Variants in GSK3B observed in about 807,000 individuals in gnomAD.
The protein encoded by GSK3B is glycogen synthase kinase-3 beta.
GSK3B carries 15 observed loss-of-function variants against 56.4 expected under a neutral mutation model. The observed-to-expected ratio is 0.27, with a 90% CI of 0.18 to 0.41. The LOEUF (loss-of-function observed/expected upper bound fraction) is 0.41, where lower values mean the gene tolerates loss of function less well. GSK3B is among the 10% of genes least tolerant of loss of function. The pLI is 1.00. For missense variants in GSK3B, 300 were observed against 513.4 expected (o/e 0.58, Z 4.02); for synonymous variants, 181 against 188.9 (o/e 0.96, Z 0.34).
chr3:119,975,792 T>A (rs531021995), intron 2 of GSK3B, among the ~76,000 whole-genome samples: 53 of 152,288 alleles, frequency 3.5e-4, no homozygotes, highest in Non-Finnish European at 4.7e-4. Context: ...AATGGTATAT[T>A]GATTGTCACA....
At chr3:120,057,566 T>A (rs2058201552) in intron 1 of GSK3B, among the ~76,000 whole-genome samples, 1 of 152,218 alleles carries the variant, frequency 6.6e-6, no homozygotes, top group Non-Finnish European at 1.5e-5. Context: ...TATCATCTGA[T>A]AATTTTAAAT....
At chr3:120,074,832 A>C (rs1292489283) in intron 1 of GSK3B, among the ~76,000 whole-genome samples, 1 of 152,200 alleles carries the variant, frequency 6.6e-6, no homozygotes, top group Admixed American at 6.5e-5. Flanking sequence ...ATTCTACCAA[A>C]CTTTTTAAGA....
rs1302704956 is a variant in GSK3B at position 119,959,682 on chromosome 3, T to A, written c.283-12331A>T. ...CGCGTGTACCACCATGCCCAGCTAATTTTTTTGTATTTTTAGTAGAGATGG... is the reference window on the plus strand; with the variant it reads ...CGCGTGTACCACCATGCCCAGCTAAATTTTTTGTATTTTTAGTAGAGATGG... On this transcript the variant is annotated intron_variant, in intron 2 of 10. Transcript: ENST00000264235. 9.2e-5 allele frequency among the ~76,000 whole-genome samples: 14 copies of A among 151,760 alleles called. No individual in the cohort carries two copies. The East Asian group carries it at 2.7e-3, about 29-fold the overall frequency.
intron 3 of GSK3B, among the ~76,000 whole-genome samples, chr3:119,929,021 AG>A (rs2056917401): frequency 6.6e-6 from 1 of 152,210 alleles, no homozygotes; most frequent in African/African-American, 2.4e-5. Context: ...ATTAGGTATT[AG>A]GGAAAAGGAA....
intron 1 of GSK3B, among the ~76,000 whole-genome samples, chr3:120,059,354 T>C (rs142115703): frequency 2.0e-4 from 31 of 152,348 alleles, no homozygotes; most frequent in African/African-American, 3.6e-4. Flanking sequence ...GCCTAGCATA[T>C]AGTCGGTCTC....
At chr3:119,905,577 T>C (rs1190144050) in intron 7 of GSK3B, among the ~76,000 whole-genome samples, 178 bp downstream of exon 7, 3 of 152,042 alleles carry the variant, frequency 2.0e-5, no homozygotes, top group Non-Finnish European at 4.4e-5. Context: ...GTAACTCAAA[T>C]AAAAACCAAA....
At chr3:120,002,384 G>A (rs1369538620) in intron 1 of GSK3B, 145 bp from the exon 2 acceptor site, 3 of 419,258 alleles carry the variant, frequency 7.2e-6, no homozygotes, top group Non-Finnish European at 1.2e-5. Flanking sequence ...TGTCACCCAG[G>A]CTGTTGTGCA....
intron 7 of GSK3B, among the ~76,000 whole-genome samples, chr3:119,884,016 C>T (rs1040260863): frequency 7.2e-5 from 11 of 152,012 alleles, no homozygotes; most frequent in African/African-American, 1.7e-4. Flanking sequence ...GTAGTACCTG[C>T]GGTATAAGTG....
chr3:119,928,604 C>T (rs1576206462), intron 3 of GSK3B, among the ~76,000 whole-genome samples: 2 of 28,640 alleles, frequency 7.0e-5, no homozygotes, highest in Admixed American at 3.9e-4. Flanking sequence ...GACTCCATAT[C>T]AAAAAAATAA....
chr3:119,843,385 C>G, intron 9 of GSK3B, 32 bp from the exon 10 acceptor site: 1 of 1,184,618 alleles, frequency 8.4e-7, no homozygotes, highest in African/African-American at 1.5e-5. Context: ...ATGTTAGAGT[C>G]CACTCTTAAC....
At chr3:119,852,671 G>A (rs2055953263) in intron 9 of GSK3B, among the ~76,000 whole-genome samples, 1 of 152,108 alleles carries the variant, frequency 6.6e-6, no homozygotes, top group Admixed American at 6.5e-5. Context: ...TTAATGAAAT[G>A]CAATAAATGA....
At chr3:120,066,685 T>C (rs2058283021) in intron 1 of GSK3B, among the ~76,000 whole-genome samples, 1 of 152,100 alleles carries the variant, frequency 6.6e-6, no homozygotes, top group African/African-American at 2.4e-5. Flanking sequence ...ATGATCTAGA[T>C]TGGGGTCAGC....
chr3:119,959,429 T>G (rs1576229805), intron 2 of GSK3B, among the ~76,000 whole-genome samples: 1 of 151,854 alleles, frequency 6.6e-6, no homozygotes, highest in East Asian at 1.9e-4. Flanking sequence ...GCTTTCCCCA[T>G]GTCAGCTGTT....
intron 3 of GSK3B, among the ~76,000 whole-genome samples, chr3:119,932,675 G>C (rs567220491): frequency 1.3e-4 from 20 of 150,622 alleles, no homozygotes; most frequent in South Asian, 1.0e-3. Flanking sequence ...CACAAACCCA[G>C]TAAAAAAAAA....
chr3:119,857,383 T>C (rs2056037066), intron 9 of GSK3B, among the ~76,000 whole-genome samples: 3 of 152,252 alleles, frequency 2.0e-5, no homozygotes, highest in South Asian at 4.1e-4. Flanking sequence ...ACTAAGATTA[T>C]GGAATATTCT....
chr3:119,939,115 A>G (rs2057023200), intron 3 of GSK3B, among the ~76,000 whole-genome samples: 2 of 152,062 alleles, frequency 1.3e-5, no homozygotes, highest in African/African-American at 4.8e-5. Context: ...GAGATATCAG[A>G]TGGAGCTACT....
chr3:119,936,137 A>C (rs1446924821), intron 3 of GSK3B, among the ~76,000 whole-genome samples: 3 of 152,002 alleles, frequency 2.0e-5, no homozygotes, highest in Non-Finnish European at 4.4e-5. Context: ...TGAAGATGAA[A>C]GACTGAATGC....
chr3:119,949,864 A>C (rs922014809), intron 2 of GSK3B, among the ~76,000 whole-genome samples: 2 of 150,910 alleles, frequency 1.3e-5, no homozygotes, highest in Non-Finnish European at 3.0e-5. Flanking sequence ...GTAGATCAAG[A>C]GTTTCGTTTT....
intron 1 of GSK3B, among the ~76,000 whole-genome samples, chr3:120,071,152 G>A (rs981846474): frequency 3.3e-5 from 5 of 152,118 alleles, no homozygotes; most frequent in Admixed American, 6.5e-5. Flanking sequence ...GCACAACATC[G>A]TTTAGAGTAA....
Sources: allele counts gnomAD v4.1 joint callset (sites outside exome capture counted in the v4.1 genomes callset), GRCh38; gene constraint gnomAD v4.1.1; transcripts MANE v1.5; gene names NCBI Gene and HGNC (gene_info 2026-07-23, HGNC 2026-07-21).